The following MAPK14 variants were observed in gnomAD, a reference collection of about 807,000 sequenced individuals.
MAPK14 encodes the protein CSAID-binding protein.
In MAPK14, 16 loss-of-function variants were observed where a neutral mutation model predicts 49.6. That is an observed-to-expected ratio of 0.32 (90% CI 0.22 to 0.49). The LOEUF is 0.49. Among genes scored for constraint, MAPK14 ranks in the 20% least tolerant of loss-of-function variants. The pLI, the probability that MAPK14 is intolerant of heterozygous loss-of-function variation, is 0.99. For missense variants in MAPK14, 200 were observed against 441.2 expected, an observed-to-expected ratio of 0.45 and a Z score of 4.90; for synonymous variants, 142 against 158.0, an observed-to-expected ratio of 0.90 and a Z score of 0.76.
chr6:36,059,643 G>A (rs1366402115), intron 3 of MAPK14, among the ~76,000 whole-genome samples: 2 of 152,068 alleles, frequency 1.3e-5, no homozygotes, highest in African/African-American at 4.8e-5. Flanking sequence ...TCTTTTCAAA[G>A]TGTTTATCCC....
At chr6:36,115,478 G>A (rs777829887), downstream of MAPK14, among the ~76,000 whole-genome samples, 1 of 152,108 alleles carries the variant, frequency 6.6e-6, no homozygotes. Context: ...GGAAAAATAC[G>A]AATACATTTC....
At chr6:36,051,443 T>A (rs1208124562) in intron 1 of MAPK14, among the ~76,000 whole-genome samples, 2 of 152,124 alleles carry the variant, frequency 1.3e-5, no homozygotes, top group Admixed American at 6.6e-5. Flanking sequence ...CACATCGCAT[T>A]TTTGCTATAG....
the MAPK14 span, among the ~76,000 whole-genome samples, chr6:36,119,137 T>G: frequency 7.9e-5 from 12 of 152,238 alleles, no homozygotes; most frequent in Admixed American, 2.6e-4. Flanking sequence ...AAAACATCGC[T>G]TTTAAAACTC....
the MAPK14 span, among the ~76,000 whole-genome samples, chr6:36,120,584 G>A: frequency 6.6e-6 from 1 of 152,134 alleles, no homozygotes; most frequent in African/African-American, 2.4e-5. Context: ...GAGCAATGCG[G>A]TGATAAGTGT....
chr6:36,057,155 G>A (rs1763620494), intron 2 of MAPK14, among the ~76,000 whole-genome samples: 2 of 152,102 alleles, frequency 1.3e-5, no homozygotes, highest in South Asian at 4.1e-4. Flanking sequence ...AATATGAGAT[G>A]TGCAAAATAC....
chr6:36,059,137 G>A lies in MAPK14; in HGVS notation c.247-152G>A, dbSNP rs927624763. 8 of 460,544 alleles carry A rather than the reference G, an allele frequency of 1.7e-5. No homozygotes were observed. The South Asian group carries it at 2.3e-4, about 13-fold the overall frequency. 28.5% of individuals were successfully genotyped at this position (460,544 alleles called of 1,614,324 possible). ...ACTCCTGACTTCAGGTGATCCGCCC[G>A]CCTCGGCCTCCCAAAGTGTTGGGAT... On this transcript the variant is annotated intron_variant, in intron 2 of 11. Transcript: ENST00000229794.
chr6:36,048,068 G>A (rs987049734), intron 1 of MAPK14, among the ~76,000 whole-genome samples: 5 of 150,404 alleles, frequency 3.3e-5, no homozygotes, highest in Non-Finnish European at 7.4e-5. Context: ...TTGAGACAGA[G>A]TCTCACTCTG....
At chr6:36,073,834 C>A in intron 5 of MAPK14, 114 bp downstream of exon 5, 3 of 1,138,382 alleles carry the variant, frequency 2.6e-6, no homozygotes, top group East Asian at 2.4e-5. Context: ...TGATTGATTG[C>A]AACTTTACTG....
chr6:36,046,549 G>T lies in MAPK14; in HGVS notation c.117-6150G>T, dbSNP rs139721266. On this transcript the variant is annotated intron_variant, in intron 1 of 11. Coordinates refer to ENST00000229794, the MANE Select transcript of MAPK14 (RefSeq NM_139012.3). ...TAAACATAATTCTCATTTCATGAAA[G>T]AATTTAATTAACATCCTCAAGATTA... is the stretch of plus-strand genomic sequence containing the variant. Among the ~76,000 whole-genome samples, 99 of 152,226 alleles carry T rather than the reference G, an allele frequency of 6.5e-4. No individual in the cohort carries two copies. The East Asian group carries it at 0.014, about 21-fold the overall frequency.
the MAPK14 span, among the ~76,000 whole-genome samples, chr6:36,119,008 C>G: frequency 1.5e-4 from 23 of 152,164 alleles, no homozygotes; most frequent in Non-Finnish European, 2.9e-4. Flanking sequence ...TTTCATGACA[C>G]AAAACATATT....
intron 6 of MAPK14, 126 bp from the exon 7 acceptor site, chr6:36,075,722 G>A (rs1187364630): frequency 1.6e-6 from 2 of 1,215,744 alleles, no homozygotes; most frequent in Non-Finnish European, 2.4e-6. Flanking sequence ...ATCTCTTTAT[G>A]AAAGTGCTAT....
In MAPK14 at chr6:36,107,653, A is replaced by C; in HGVS notation, c.1015+25A>C. ...AGTAAGTCCTAAGGGTAGGATTAAC[A>C]TCTTGAACCACTAACCAAAAGCGGT... On this transcript the variant is annotated intron_variant, in intron 11 of 11. Coordinates refer to ENST00000229794, the MANE Select transcript of MAPK14 (RefSeq NM_139012.3). The surrounding 1 kb of genome is among the most constrained non-coding windows in gnomAD (Gnocchi z 4.3). The C allele has an allele frequency of 6.7e-7, 1 of 1,497,882 alleles. No individual in the cohort carries two copies. Among genetic ancestry groups the C allele is most frequent in the Non-Finnish European group, 8.9e-7 (1 of 1,118,972 alleles). 92.8% of individuals were successfully genotyped at this position (1,497,882 alleles called of 1,614,324 possible).
At chr6:36,062,464 A>G (rs1763860224) in intron 3 of MAPK14, among the ~76,000 whole-genome samples, 1 of 152,126 alleles carries the variant, frequency 6.6e-6, no homozygotes. Context: ...AAAGTATTCA[A>G]ATTCACATTG....
chr6:36,056,254 A>C (rs1350228609), intron 2 of MAPK14, among the ~76,000 whole-genome samples: 2 of 152,156 alleles, frequency 1.3e-5, no homozygotes, highest in Non-Finnish European at 2.9e-5. Flanking sequence ...TGTGGTCACC[A>C]CTTATTTTGA....
At position 36,054,889 on chromosome 6, in the gene MAPK14, G is replaced by A. The variant is rs138172267; in HGVS notation, c.246+2061G>A. 2.3e-3 allele frequency among the ~76,000 whole-genome samples: 357 copies of A among 152,292 alleles called. 2 individuals carry two copies. Among genetic ancestry groups the A allele is most frequent in the African/African-American group, 8.2e-3 (341 of 41,552 alleles). On this transcript the variant is annotated intron_variant, in intron 2 of 11. Transcript: ENST00000229794. ...CAGCAGCAACAGGCGCTTAAAACTTGTGAACATTTTAGGTGTTGGTAACAA... is the reference window on the plus strand; with the variant it reads ...CAGCAGCAACAGGCGCTTAAAACTTATGAACATTTTAGGTGTTGGTAACAA...
At chr6:36,092,358 T>C in intron 8 of MAPK14, 1 of 647,534 alleles carries the variant, frequency 1.5e-6, no homozygotes, top group Non-Finnish European at 2.9e-6. Context: ...CTTCTATGAG[T>C]TCCCTGCAGG....
At chr6:36,051,547 GTCTT>G (rs1455226984) in intron 1 of MAPK14, among the ~76,000 whole-genome samples, 6 of 152,188 alleles carry the variant, frequency 3.9e-5, no homozygotes, top group Non-Finnish European at 5.9e-5. Flanking sequence ...CAGCCTTTCT[GTCTT>G]TCTGTCACTC....
intron 8 of MAPK14, 95 bp downstream of exon 8, chr6:36,076,703 A>C: frequency 3.2e-6 from 3 of 931,492 alleles, no homozygotes; most frequent in Non-Finnish European, 5.0e-6. Flanking sequence ...GAAGACTCTC[A>C]GTATTTTGCT....
chr6:36,032,055 T>A (rs185239401), intron 1 of MAPK14, among the ~76,000 whole-genome samples: 21 of 152,210 alleles, frequency 1.4e-4, no homozygotes, highest in African/African-American at 5.1e-4. Context: ...GTGCTGGGAT[T>A]ATAGGGATGA....
Sources: gnomAD v4.1 joint callset for allele counts (sites outside exome capture counted in the v4.1 genomes callset) on GRCh38, gnomAD v4.1.1 for gene constraint, Gnocchi (gnomAD v3.1) non-coding constraint, MANE v1.5 for transcripts, NCBI Gene and HGNC (gene_info 2026-07-23, HGNC 2026-07-21) for gene names.